The following ADIPOR2 variants were observed in gnomAD, a reference collection of about 807,000 sequenced individuals.
The protein encoded by ADIPOR2 is adiponectin receptor protein 2.
A neutral mutation model predicts 40.9 loss-of-function variants in ADIPOR2; 18 were observed. The observed-to-expected ratio is 0.44, with a 90% CI of 0.30 to 0.65. The LOEUF (loss-of-function observed/expected upper bound fraction) is 0.65. Among genes scored for constraint, ADIPOR2 ranks in the 30% least tolerant of loss-of-function variants. ADIPOR2 has a pLI of 0.09. For synonymous variants in ADIPOR2, 165 were observed against 166.4 expected, an observed-to-expected ratio of 0.99 and a Z score of 0.06; for missense variants, 283 against 479.2, an observed-to-expected ratio of 0.59 and a Z score of 3.82.
chr12:1,777,514 G>A (rs1862622959), intron 3 of ADIPOR2, among the ~76,000 whole-genome samples: 1 of 150,622 alleles, frequency 6.6e-6, no homozygotes, highest in Non-Finnish European at 1.5e-5. Context: ...AGCCTCCCGA[G>A]TAGGTGGGAT....
chr12:1,785,660 G>T (rs959089339), intron 7 of ADIPOR2, among the ~76,000 whole-genome samples: 2 of 96,808 alleles, frequency 2.1e-5, no homozygotes, highest in African/African-American at 6.1e-5. Flanking sequence ...GAGAGTCTGT[G>T]TGTCATTTGC....
At chr12:1,694,915 A>G (rs1312113290) in intron 1 of ADIPOR2, among the ~76,000 whole-genome samples, 12 of 151,886 alleles carry the variant, frequency 7.9e-5, no homozygotes, top group Admixed American at 3.3e-4. Context: ...AACATCTTGC[A>G]TTAATTTGGC....
intron 1 of ADIPOR2, among the ~76,000 whole-genome samples, chr12:1,728,004 T>A (rs888713891): frequency 2.0e-5 from 3 of 152,160 alleles, no homozygotes; most frequent in African/African-American, 7.2e-5. Flanking sequence ...CTCCCCTACT[T>A]GCTGAAAATG....
chr12:1,734,864 T>G (rs552290239), intron 1 of ADIPOR2, among the ~76,000 whole-genome samples: 169 of 152,354 alleles, frequency 1.1e-3, no homozygotes, highest in African/African-American at 3.8e-3. Context: ...TAGGGAATCC[T>G]TTCCCCATTT....
intron 1 of ADIPOR2, among the ~76,000 whole-genome samples, chr12:1,716,680 C>T (rs2094688256): frequency 6.6e-6 from 1 of 152,200 alleles, no homozygotes; most frequent in African/African-American, 2.4e-5. Flanking sequence ...CTGGTTTTGC[C>T]AAATACAGTA....
At chr12:1,763,544 C>T (rs1862312655) in intron 2 of ADIPOR2, among the ~76,000 whole-genome samples, 1 of 152,136 alleles carries the variant, frequency 6.6e-6, no homozygotes, top group Non-Finnish European at 1.5e-5. Flanking sequence ...GAAAAGACTT[C>T]CTCTGTTATA....
intron 1 of ADIPOR2, among the ~76,000 whole-genome samples, chr12:1,704,015 G>GTTT (rs772767475): frequency 3.7e-5 from 2 of 54,520 alleles, no homozygotes; most frequent in Non-Finnish European, 4.0e-5. Flanking sequence ...GCCCCCACCA[G>GTTT]TTTTTTTTTT....
rs562327549 is a variant in ADIPOR2 at position 1,772,108 on chromosome 12, C to T, written c.172-734C>T. On this transcript the variant is annotated intron_variant, in intron 2 of 7. Transcript: ENST00000357103. ...ACCAGTATGAACCTTGGTCTGGAGG[C>T]AGAAATTTTAATTTTAGTAATTTAT... is the stretch of plus-strand genomic sequence containing the variant. Among the ~76,000 whole-genome samples, 286 of 152,284 alleles carry T rather than the reference C, an allele frequency of 1.9e-3. 1 individual carries two copies. The highest frequency in any genetic ancestry group is 6.5e-3 in the African/African-American group (272 of 41,554).
intron 1 of ADIPOR2, among the ~76,000 whole-genome samples, chr12:1,739,986 T>G (rs2094739121): frequency 6.6e-6 from 1 of 151,940 alleles, no homozygotes; most frequent in African/African-American, 2.4e-5. Flanking sequence ...CCTGTAATCC[T>G]AGCTACTCAG....
chr12:1,733,326 A>G (rs1305372241), intron 1 of ADIPOR2, among the ~76,000 whole-genome samples: 1 of 152,192 alleles, frequency 6.6e-6, no homozygotes, highest in Non-Finnish European at 1.5e-5. Flanking sequence ...ATATATATTT[A>G]GTGTTGTTAA....
intron 2 of ADIPOR2, chr12:1,760,663 T>C (rs1247645010): frequency 6.6e-6 from 1 of 152,270 alleles, no homozygotes; most frequent in Non-Finnish European, 1.5e-5. Context: ...ACTTCATTCC[T>C]CTTTATGACT....
chr12:1,754,709 T>TACG (rs1862081592), intron 2 of ADIPOR2, among the ~76,000 whole-genome samples, 195 bp downstream of exon 2: 2 of 67,460 alleles, frequency 3.0e-5, no homozygotes, highest in Non-Finnish European at 5.9e-5. Flanking sequence ...TTACTACTAC[T>TACG]ACTACTACTA....
chr12:1,735,612 G>T (rs2094728753), intron 1 of ADIPOR2, among the ~76,000 whole-genome samples: 1 of 152,138 alleles, frequency 6.6e-6, no homozygotes. Flanking sequence ...AATTGCCCTG[G>T]CCAGAACTTC....
intron 1 of ADIPOR2, chr12:1,730,634 A>C (rs1050553612): frequency 2.0e-5 from 3 of 151,820 alleles, no homozygotes; most frequent in Non-Finnish European, 2.9e-5. Context: ...AAAAACAAAA[A>C]AAACCAAACA....
At chr12:1,743,374 A>G (rs1362044520) in intron 1 of ADIPOR2, among the ~76,000 whole-genome samples, 2 of 151,380 alleles carry the variant, frequency 1.3e-5, no homozygotes, top group African/African-American at 4.8e-5. Flanking sequence ...TTTGGAGGCA[A>G]TAGTTTAAAT....
Position 1,783,930 on chromosome 12 carries a change from G to A in ADIPOR2, c.889G>A (p.Val297Ile). 2 of 1,613,438 alleles carry A rather than the reference G, an allele frequency of 1.2e-6. No individual in the cohort carries two copies. Among genetic ancestry groups the A allele is most frequent in the Non-Finnish European group, 1.7e-6 (2 of 1,179,666 alleles). The change falls in exon 7 of 8, where the codon GTC becomes ATC. Residue 297 changes from valine (V) to isoleucine (I), a missense_variant. Around this residue, in one of 3 missense-constraint regions of ADIPOR2, gnomAD observed 106 missense variants for 149.7 expected, o/e 0.71. Transcript: ENST00000357103. ...LSGIIPTLHY[V>I]ISEGFLKAAT... Reference sequence around the variant, plus strand: ...TGGAATCATTCCTACCTTGCACTATGTCATCTCGGAGGGGTTCCTTAAGGC... The same window carrying A: ...TGGAATCATTCCTACCTTGCACTATATCATCTCGGAGGGGTTCCTTAAGGC...
chr12:1,691,452 C>T (rs2094626727), intron 1 of ADIPOR2, among the ~76,000 whole-genome samples: 2 of 152,312 alleles, frequency 1.3e-5, no homozygotes, highest in Non-Finnish European at 2.9e-5. Flanking sequence ...GAGTCCGGCG[C>T]CCGCTGTTCC....
intron 1 of ADIPOR2, among the ~76,000 whole-genome samples, chr12:1,709,034 T>TA (rs1403097656): frequency 1.3e-5 from 2 of 152,184 alleles, no homozygotes; most frequent in African/African-American, 4.8e-5. Flanking sequence ...TATCTATACT[T>TA]ATGCCAGTAC....
chr12:1,719,662 G>GT (rs200999614), intron 1 of ADIPOR2, among the ~76,000 whole-genome samples: 38 of 150,446 alleles, frequency 2.5e-4, no homozygotes, highest in East Asian at 1.4e-3. Context: ...CTCAGCAGAA[G>GT]TTTTTTTTTG....
Sources: gnomAD v4.1 joint callset for allele counts (sites outside exome capture counted in the v4.1 genomes callset) on GRCh38, gnomAD v4.1.1 for gene constraint, gnomAD v4.1.1 regional missense constraint, MANE v1.5 for transcripts, NCBI Gene and HGNC (gene_info 2026-07-23, HGNC 2026-07-21) for gene names.